The following CDIN1 variants were observed in gnomAD, a reference collection of about 807,000 sequenced individuals.
CDIN1 encodes CDAN1-interacting nuclease 1.
A neutral mutation model predicts 45.3 loss-of-function variants in CDIN1; 33 were observed. The observed-to-expected ratio is 0.73, with a 90% CI of 0.55 to 0.97. The LOEUF is 0.97. Ranked by LOEUF, CDIN1 falls within the 50% of genes least tolerant of loss-of-function variation. CDIN1 has a pLI of 0.00. For missense variants in CDIN1, 303 were observed against 339.4 expected (o/e 0.89, Z 0.84); for synonymous variants, 118 against 124.4 (o/e 0.95, Z 0.34).
chr15:36,649,786 A>C (rs12101923), intron 3 of CDIN1, among the ~76,000 whole-genome samples: 14,029 of 152,144 alleles, frequency 0.092, 749 homozygotes, highest in Middle Eastern at 0.12. Flanking sequence ...CTCCCACAGC[A>C]CTCTGTATAG....
intron 10 of CDIN1, 130 bp from the exon 11 acceptor site, chr15:36,808,194 A>T: frequency 7.8e-7 from 1 of 1,281,302 alleles, no homozygotes. Context: ...TTTCAGTCAC[A>T]ATGGTAGCAA....
intron 1 of CDIN1, among the ~76,000 whole-genome samples, chr15:36,634,404 G>A (rs1010944712): frequency 5.3e-5 from 8 of 152,090 alleles, no homozygotes; most frequent in Non-Finnish European, 1.2e-4. Flanking sequence ...AGCCTGCAGA[G>A]AGAGCAAGAC....
intron 1 of CDIN1, among the ~76,000 whole-genome samples, chr15:36,613,091 G>A (rs956762882): frequency 1.3e-5 from 2 of 152,168 alleles, no homozygotes; most frequent in African/African-American, 4.8e-5. Context: ...CTAATTGTTA[G>A]GCACCACGGT....
chr15:36,758,477 T>C (rs2053669234), intron 10 of CDIN1, among the ~76,000 whole-genome samples: 1 of 152,184 alleles, frequency 6.6e-6, no homozygotes, highest in South Asian at 2.1e-4. Context: ...GGCAAGCTGA[T>C]TAAATTTATG....
At chr15:36,797,868 T>C (rs1455114162) in intron 10 of CDIN1, among the ~76,000 whole-genome samples, 3 of 151,348 alleles carry the variant, frequency 2.0e-5, no homozygotes, top group Non-Finnish European at 4.4e-5. Context: ...TAGTCCCAGC[T>C]CCTCAGGAGA....
intron 10 of CDIN1, among the ~76,000 whole-genome samples, chr15:36,722,902 A>C (rs1288911026): frequency 2.6e-5 from 4 of 152,040 alleles, no homozygotes; most frequent in Non-Finnish European, 5.9e-5. Context: ...TATAAAAATT[A>C]AATTTCTCCT....
chr15:36,709,923 C>A lies in CDIN1; in HGVS notation c.678C>A (p.His226Gln), dbSNP rs578121665. 6.2e-7 allele frequency: 1 copy of A among 1,613,198 alleles called. No homozygotes were observed. Among genetic ancestry groups the A allele is most frequent in the Non-Finnish European group, 8.5e-7 (1 of 1,179,366 alleles). Residue 226 changes from histidine to glutamine, a missense_variant, in exon 10 of 11, where the codon CAC (histidine) becomes CAA (glutamine). Transcript: ENST00000566621. ...KASFGDECSH[H>Q]AYLHDQFWSY... ...CATTTGGTGATGAATGTAGCCACCA[C>A]GCCTACCTGCATGACCAGTTCTGGA...
At chr15:36,681,877 A>G (rs2041861747) in intron 5 of CDIN1, among the ~76,000 whole-genome samples, 1 of 152,330 alleles carries the variant, frequency 6.6e-6, no homozygotes, top group South Asian at 2.1e-4. Flanking sequence ...CGGATTTCAG[A>G]TGAAAGAACT....
chr15:36,604,924 G>C (rs1334589613), intron 1 of CDIN1, among the ~76,000 whole-genome samples: 3 of 152,042 alleles, frequency 2.0e-5, no homozygotes, highest in Non-Finnish European at 4.4e-5. Context: ...AAATATCTAA[G>C]ATTCACATGG....
At chr15:36,769,359 T>C (rs2054007224) in intron 10 of CDIN1, among the ~76,000 whole-genome samples, 1 of 152,136 alleles carries the variant, frequency 6.6e-6, no homozygotes, top group Non-Finnish European at 1.5e-5. Context: ...CCTAAATCTG[T>C]AGGGCAGGCC....
intron 3 of CDIN1, among the ~76,000 whole-genome samples, chr15:36,647,149 G>A (rs571616308): frequency 6.7e-6 from 1 of 148,216 alleles, no homozygotes; most frequent in Admixed American, 6.9e-5. Flanking sequence ...TCAGTCTCCT[G>A]AGTAGCTGGG....
intron 10 of CDIN1, among the ~76,000 whole-genome samples, chr15:36,710,247 TGTG>T (rs1178256989): frequency 1.3e-5 from 2 of 152,306 alleles, no homozygotes; most frequent in African/African-American, 2.4e-5. Flanking sequence ...GATAATAAGA[TGTG>T]GTGTATATTA....
intron 3 of CDIN1, among the ~76,000 whole-genome samples, chr15:36,646,980 TG>T (rs2040356768): frequency 6.6e-6 from 1 of 152,090 alleles, no homozygotes; most frequent in Admixed American, 6.5e-5. Context: ...AACATACTTT[TG>T]TTGGATTATC....
intron 1 of CDIN1, chr15:36,627,768 A>G (rs1388592024): frequency 6.6e-6 from 1 of 152,362 alleles, no homozygotes; most frequent in Non-Finnish European, 1.5e-5. Context: ...GGGCCAGGGC[A>G]CAGCCAGCCC....
chr15:36,742,063 A>G (rs1458319897), intron 10 of CDIN1, among the ~76,000 whole-genome samples: 1 of 152,196 alleles, frequency 6.6e-6, no homozygotes, highest in Non-Finnish European at 1.5e-5. Flanking sequence ...TGAACTGAAA[A>G]TAAAAGCGTA....
chr15:36,739,351 A>T (rs2140934768), intron 10 of CDIN1, among the ~76,000 whole-genome samples: 1 of 152,344 alleles, frequency 6.6e-6, no homozygotes, highest in East Asian at 1.9e-4. Flanking sequence ...CATACAGTGA[A>T]CAGTGATGGT....
chr15:36,704,382 G>T (rs1234080127), intron 8 of CDIN1: 1 of 152,030 alleles, frequency 6.6e-6, no homozygotes, highest in Non-Finnish European at 1.5e-5. Flanking sequence ...GGTGCTATTG[G>T]TCTCCCCATT....
At chr15:36,788,434 A>C (rs951215461) in intron 10 of CDIN1, among the ~76,000 whole-genome samples, 1 of 152,058 alleles carries the variant, frequency 6.6e-6, no homozygotes, top group African/African-American at 2.4e-5. Context: ...CTCAGGCATA[A>C]TGTTTTAATT....
chr15:36,756,369 C>G (rs1208301980), intron 10 of CDIN1, among the ~76,000 whole-genome samples: 1 of 152,074 alleles, frequency 6.6e-6, no homozygotes, highest in African/African-American at 2.4e-5. Flanking sequence ...TGTTTTAACA[C>G]AAAATAGTGA....
Sources: allele counts gnomAD v4.1 joint callset (sites outside exome capture counted in the v4.1 genomes callset), GRCh38; gene constraint gnomAD v4.1.1; transcripts MANE v1.5; gene names NCBI Gene and HGNC (gene_info 2026-07-23, HGNC 2026-07-21).